The following FAT1 variants were observed in gnomAD, a reference collection of about 807,000 sequenced individuals.
FAT1 encodes FAT atypical cadherin 1.
FAT1 carries 171 observed loss-of-function variants against 329.8 expected under a neutral mutation model. The observed-to-expected ratio is 0.52, with a 90% CI of 0.46 to 0.59. The LOEUF (loss-of-function observed/expected upper bound fraction) is 0.59. Among genes scored for constraint, FAT1 ranks in the 20% least tolerant of loss-of-function variants. The pLI, the probability that FAT1 is intolerant of heterozygous loss-of-function variation, is 0.00. For synonymous variants in FAT1, 2,233 were observed against 2,228.6 expected, an observed-to-expected ratio of 1.00 and a Z score of -0.06; for missense variants, 5,672 against 5,774.4, an observed-to-expected ratio of 0.98 and a Z score of 0.57.
At chr4:186,717,508 T>C (rs908259626) in intron 1 of FAT1, among the ~76,000 whole-genome samples, 4 of 152,228 alleles carry the variant, frequency 2.6e-5, no homozygotes, top group Non-Finnish European at 4.4e-5. Context: ...ACCCTGAGAA[T>C]GGTCTTTACT....
At chr4:186,660,252 T>C (rs1180784798) in intron 3 of FAT1, among the ~76,000 whole-genome samples, 2 of 152,106 alleles carry the variant, frequency 1.3e-5, no homozygotes, top group African/African-American at 2.4e-5. Context: ...ACAGTCTGCT[T>C]TAAAGGTTGT....
At chr4:186,716,506 C>A (rs1043810891) in intron 1 of FAT1, among the ~76,000 whole-genome samples, 2 of 152,018 alleles carry the variant, frequency 1.3e-5, no homozygotes. Flanking sequence ...TAGCTCACTG[C>A]AGCACCAACC....
chr4:186,648,934 T>C (rs939964868), intron 3 of FAT1, among the ~76,000 whole-genome samples: 2 of 152,224 alleles, frequency 1.3e-5, no homozygotes, highest in African/African-American at 4.8e-5. Flanking sequence ...AGTTTTGTTT[T>C]CAGTCATTAT....
intron 4 of FAT1, among the ~76,000 whole-genome samples, chr4:186,637,864 C>G (rs1245810202): frequency 6.6e-6 from 1 of 152,156 alleles, no homozygotes; most frequent in Non-Finnish European, 1.5e-5. Flanking sequence ...TGGTGCCTGT[C>G]AAAAGTATTT....
intron 2 of FAT1, among the ~76,000 whole-genome samples, chr4:186,696,480 G>A (rs1278930321): frequency 6.6e-6 from 1 of 152,108 alleles, no homozygotes; most frequent in Non-Finnish European, 1.5e-5. Context: ...TCTATGAAAA[G>A]ATGAACACCC....
In FAT1 at chr4:186,643,866, CAT is replaced by C. The variant is rs375252199; in HGVS notation, c.3581-4085_3581-4084del. ...GTACAACTGCTCCATATACCCACTA[CAT>C]GTTATTAACCTAGTAGGTAGTAAGT... is the stretch of plus-strand genomic sequence containing the variant. On this transcript the variant is annotated intron_variant, in intron 3 of 26. Coordinates refer to ENST00000441802, the MANE Select transcript of FAT1 (RefSeq NM_005245.4). Among the ~76,000 whole-genome samples the C allele has an allele frequency of 1.2e-4, 18 of 146,060 alleles. No homozygotes were observed. In the South Asian group the frequency reaches 3.3e-3, roughly 27 times the overall value.
At chr4:186,656,658 T>G (rs530145955) in intron 3 of FAT1, among the ~76,000 whole-genome samples, 42 of 152,276 alleles carry the variant, frequency 2.8e-4, no homozygotes, top group African/African-American at 9.9e-4. Flanking sequence ...AGAAGTGCCA[T>G]TCCGGCTACT....
At position 186,613,205 on chromosome 4, in the gene FAT1, G is replaced by A. The variant is rs372404115; in HGVS notation, c.9367C>T (p.Pro3123Ser). The change falls in exon 13 of 27, where the codon CCC (proline) becomes TCC (serine). Residue 3123 changes from proline to serine, a missense_variant. Pro to Ser is a moderately conservative substitution (Grantham distance 74, BLOSUM62 -1). This residue lies in a region of FAT1 where 3,966 missense variants were observed against 3,915.2 expected (regional missense o/e 1.01). Coordinates refer to ENST00000441802, the MANE Select transcript of FAT1 (RefSeq NM_005245.4). ...LTLEDVNDNA[P>S]EFSADPYAIT... ...GCATAAGGATCGGCAGAGAATTCGG[G>A]GGCGTTATCGTTCACATCTTCTAGC... 2.2e-4 allele frequency: 357 copies of A among 1,613,722 alleles called. No homozygotes were observed. The highest frequency in any genetic ancestry group is 3.0e-4 in the Non-Finnish European group (349 of 1,179,832).
In FAT1 at chr4:186,621,063, A is replaced by G. The variant is rs772055287; in HGVS notation, c.5523T>C (p.Ser1841=). 190 of 1,613,120 alleles carry G rather than the reference A, an allele frequency of 1.2e-4. No homozygotes were observed. The highest frequency in any genetic ancestry group is 1.4e-4 in the Non-Finnish European group (170 of 1,179,900). Residue 1841 remains serine (S), a synonymous_variant, in exon 10 of 27, where the codon AGT becomes AGC. Transcript: ENST00000441802. ...GCACTTGGACGGTAAAGTGAAAAAT[A>G]CTTGTTTCTTCATAGTCCAGACTTA... ...TVLSLDYEET[S]IFHFTVQVHD... is the part of the protein sequence containing the mutation.
rs201173180 is a variant in FAT1 at position 186,620,627 on chromosome 4, C to A, written c.5959G>T (p.Val1987Leu). The A allele has an allele frequency of 3.8e-5, 61 of 1,614,000 alleles. No individual in the cohort carries two copies. The African/African-American group carries it at 4.8e-4, about 13-fold the overall frequency. ...LKFTQDVYSAVVKENSTEAET... is the reference protein window; with the variant it reads ...LKFTQDVYSALVKENSTEAET... ...GCCTCGGTGGAATTCTCTTTCACTACCGCAGAGTAGACATCCTGGGTAAAC... is the reference window on the plus strand; with the variant it reads ...GCCTCGGTGGAATTCTCTTTCACTAACGCAGAGTAGACATCCTGGGTAAAC... The change falls in exon 10 of 27, where the codon GTA becomes TTA. Residue 1987 changes from valine to leucine, a missense_variant. Val to Leu is a conservative substitution (Grantham distance 32). Around this residue, in one of 2 missense-constraint regions of FAT1, gnomAD observed 3,966 missense variants for 3,915.2 expected, o/e 1.01. Coordinates refer to ENST00000441802, the MANE Select transcript of FAT1 (RefSeq NM_005245.4).
In FAT1 at chr4:186,618,617, T is replaced by C. The variant is rs745468634; in HGVS notation, c.7969A>G (p.Thr2657Ala). ...TCCAAGCCAATGAGGCTCTCCTTTG[T>C]AGTGATTACGCCGGACAGTTTGTTA... ...EINKLSGVIT[T>A]KESLIGLENE... is the part of the protein sequence containing the mutation. The change falls in exon 10 of 27, where the codon ACA (threonine) becomes GCA (alanine). Residue 2657 changes from threonine to alanine, a missense_variant. Transcript: ENST00000441802. 2 of 1,614,072 alleles carry C rather than the reference T, an allele frequency of 1.2e-6. No individual in the cohort carries two copies. The highest frequency in any genetic ancestry group is 1.3e-5 in the African/African-American group (1 of 75,076).
intron 3 of FAT1, among the ~76,000 whole-genome samples, chr4:186,659,543 A>C (rs146290010): frequency 6.6e-5 from 10 of 152,314 alleles, no homozygotes; most frequent in Non-Finnish European, 7.3e-5. Context: ...TAACACCCGC[A>C]AGAGGAAGCG....
chr4:186,657,938 T>C lies in FAT1; in HGVS notation c.3580+5361A>G, dbSNP rs539198106. 3.2e-4 allele frequency among the ~76,000 whole-genome samples: 48 copies of C among 152,318 alleles called. No individual in the cohort carries two copies. The South Asian group carries it at 8.7e-3, about 28-fold the overall frequency. ...CATGAGAAGCTCACACTAGTCTCTT[T>C]TGTTTGGGACTCCCTTTCTTCTCTG... On this transcript the variant is annotated intron_variant, in intron 3 of 26. Transcript: ENST00000441802.
At chr4:186,624,231 T>C (rs1740186086) in intron 9 of FAT1, among the ~76,000 whole-genome samples, 1 of 148,154 alleles carries the variant, frequency 6.7e-6, no homozygotes. Context: ...AACTTTAAAT[T>C]GTTCCCTGTA....
chr4:186,679,295 T>C (rs1203127656), intron 2 of FAT1, among the ~76,000 whole-genome samples: 1 of 151,906 alleles, frequency 6.6e-6, no homozygotes, highest in African/African-American at 2.4e-5. Flanking sequence ...CGGGAGCCTG[T>C]AGTCCCAGCT....
At chr4:186,623,969 T>TC (rs928223373) in intron 9 of FAT1, among the ~76,000 whole-genome samples, 1 of 152,152 alleles carries the variant, frequency 6.6e-6, no homozygotes, top group Non-Finnish European at 1.5e-5. Flanking sequence ...GATACATGAA[T>TC]CCCACATCCA....
At position 186,620,879 on chromosome 4, in the gene FAT1, C is replaced by A. The variant is rs1398962212; in HGVS notation, c.5707G>T (p.Ala1903Ser). Residue 1903 changes from alanine to serine, a missense_variant, in exon 10 of 27, where the codon GCT becomes TCT. Coordinates refer to ENST00000441802, the MANE Select transcript of FAT1 (RefSeq NM_005245.4). ...YKGVKVITVN[A>S]TDADSSAFSQ... ...AATGCACTTGAATCAGCATCTGTAG[C>A]ATTTACTGTGATGACTTTTACTCCT... The A allele has an allele frequency of 6.2e-7, 1 of 1,613,990 alleles. No homozygotes were observed.
At chr4:186,651,656 G>A (rs934123633) in intron 3 of FAT1, among the ~76,000 whole-genome samples, 1 of 152,218 alleles carries the variant, frequency 6.6e-6, no homozygotes, top group South Asian at 2.1e-4. Context: ...CCGACAAGCC[G>A]ACTAGTCCAC....
At position 186,636,612 on chromosome 4, in the gene FAT1, T is replaced by C. The variant is rs2126562692; in HGVS notation, c.3945A>G (p.Ser1315=). ...AAAGAATATCATATTCTCCAGCTGC[T>C]GAAAACCTCTTGGACGAAACCACTC... ...KTGVVSSKRF[S]AAGEYDILSI... The change falls in exon 5 of 27, where the codon TCA becomes TCG. Residue 1315 remains serine (S), a synonymous_variant. Transcript: ENST00000441802. 6.2e-7 allele frequency: 1 copy of C among 1,612,684 alleles called. No individual in the cohort carries two copies. The highest frequency in any genetic ancestry group is 8.5e-7 in the Non-Finnish European group (1 of 1,179,300).
Sources: gnomAD v4.1 joint callset for allele counts (sites outside exome capture counted in the v4.1 genomes callset) on GRCh38, gnomAD v4.1.1 for gene constraint, gnomAD v4.1.1 regional missense constraint, MANE v1.5 for transcripts, NCBI Gene and HGNC (gene_info 2026-07-23, HGNC 2026-07-21) for gene names.